CAGE1: variants seen among roughly 807,000 people sequenced by gnomAD.
CAGE1 encodes the protein cancer-associated gene 1 protein.
In CAGE1, 66 loss-of-function variants were observed where a neutral mutation model predicts 94.9. The observed-to-expected ratio is 0.70, with a 90% CI of 0.57 to 0.85. The LOEUF is 0.85. CAGE1 is among the 40% of genes least tolerant of loss of function. The probability of loss-of-function intolerance (pLI) is 0.00; values close to 1 mark genes in which losing one functional copy is unlikely to be tolerated. For synonymous variants in CAGE1, 319 were observed against 321.0 expected (o/e 0.99, Z 0.07); for missense variants, 865 against 950.4 (o/e 0.91, Z 1.18).
At position 7,385,836 on chromosome 6, in the gene CAGE1, C is replaced by T; in HGVS notation, c.232G>A (p.Glu78Lys). The T allele has an allele frequency of 6.5e-7, 1 of 1,542,500 alleles. No individual in the cohort carries two copies. Among genetic ancestry groups the T allele is most frequent in the Admixed American group, 2.0e-5 (1 of 49,278 alleles). ...TAAGCATCTTCACAAAGTGTGGATT[C>T]ATACTCATTTTCCCTTTCAAAATTC... ...IKNFERENEY[E>K]STLCEDAYGT... Residue 78 changes from glutamate to lysine, a missense_variant, in exon 3 of 14, where the codon GAA becomes AAA. Glu to Lys is a moderately conservative substitution (Grantham distance 56). Coordinates refer to ENST00000502583, the MANE Select transcript of CAGE1 (RefSeq NM_001170692.2).
At position 7,373,081 on chromosome 6, in the gene CAGE1, T is replaced by C. The variant is rs367731088; in HGVS notation, c.1738A>G (p.Ile580Val). Residue 580 changes from isoleucine to valine, a missense_variant, in exon 5 of 14, where the codon ATT (isoleucine) becomes GTT (valine). Transcript: ENST00000502583. Reference protein sequence around the residue: ...DQLEEVLKSDITKDTKTTHSN... With the variant: ...DQLEEVLKSDVTKDTKTTHSN... ...AGAATGTGTATCAATACCTTGGTAA[T>C]ATCTGACTTCAAGACTTCCTCTAAT... is the stretch of plus-strand genomic sequence containing the variant. 1.1e-5 allele frequency: 17 copies of C among 1,599,108 alleles called. No homozygotes were observed. In the African/African-American group the frequency reaches 1.8e-4, roughly 16 times the overall value.
intron 4 of CAGE1, among the ~76,000 whole-genome samples, chr6:7,375,082 A>AG (rs1554139547): frequency 6.6e-6 from 1 of 151,110 alleles, no homozygotes; most frequent in Admixed American, 6.6e-5. Context: ...AAAAGACAGT[A>AG]ATTTGTGGTA....
chr6:7,345,933 A>G (rs1246683051), intron 11 of CAGE1, among the ~76,000 whole-genome samples: 2 of 152,118 alleles, frequency 1.3e-5, no homozygotes, highest in African/African-American at 4.8e-5. Flanking sequence ...TCAAAAAAAG[A>G]AAAATTACAG....
chr6:7,358,027 GATATATATATAT>G (rs55850429), intron 9 of CAGE1, among the ~76,000 whole-genome samples: 4,377 of 48,136 alleles, frequency 0.091, 315 homozygotes, highest in African/African-American at 0.14. Context: ...TAAGTTTTGA[GATATATATATAT>G]ATATATATAT....
chr6:7,344,852 G>T (rs558293223), intron 11 of CAGE1, among the ~76,000 whole-genome samples: 1 of 152,258 alleles, frequency 6.6e-6, no homozygotes, highest in Admixed American at 6.5e-5. Context: ...ATTCTGGTGG[G>T]GCCTTGGAGA....
chr6:7,365,944 A>G, intron 7 of CAGE1, 60 bp from the exon 8 acceptor site: 1 of 1,026,992 alleles, frequency 9.7e-7, no homozygotes, highest in Non-Finnish European at 1.4e-6. Flanking sequence ...TCTAATATTT[A>G]TAATAAAATA....
chr6:7,359,199 A>C (rs1760086192), intron 9 of CAGE1, among the ~76,000 whole-genome samples: 1 of 152,174 alleles, frequency 6.6e-6, no homozygotes, highest in Non-Finnish European at 1.5e-5. Flanking sequence ...GGCATGTGCC[A>C]CCATGCCCGG....
chr6:7,365,397 C>A, intron 9 of CAGE1, 71 bp downstream of exon 9: 2 of 1,277,940 alleles, frequency 1.6e-6, no homozygotes, highest in Admixed American at 4.3e-5. Flanking sequence ...AGGATGATAA[C>A]TTCTTAAACT....
In CAGE1 at chr6:7,370,057, T is replaced by A. The variant is rs1463432744; in HGVS notation, c.1755A>T (p.Lys585Asn). The change falls in exon 6 of 14, where the codon AAA becomes AAT. Residue 585 changes from lysine to asparagine, a missense_variant. Lys to Asn is a moderately conservative substitution (Grantham distance 94). Transcript: ENST00000502583. ...CCGGGAGCAGATTAGAATGTGTCGT[T>A]TTTGTATCCTACATGCACGTAATTC... ...VLKSDITKDT[K>N]TTHSNLLPDC... 3.7e-6 allele frequency: 6 copies of A among 1,602,340 alleles called. No homozygotes were observed. Among genetic ancestry groups the A allele is most frequent in the Non-Finnish European group, 5.1e-6 (6 of 1,176,170 alleles).
intron 11 of CAGE1, among the ~76,000 whole-genome samples, chr6:7,347,147 G>A (rs898542350): frequency 3.9e-4 from 60 of 152,210 alleles, no homozygotes; most frequent in Non-Finnish European, 6.8e-4. Context: ...GGAGGCTCGC[G>A]TCATGAATTT....
At chr6:7,347,519 G>GGT (rs1759600487) in intron 11 of CAGE1, 1 of 145,998 alleles carries the variant, frequency 6.8e-6, no homozygotes, top group African/African-American at 2.5e-5. Context: ...GGGGGGTTGG[G>GGT]GGGGGCGGTG....
Position 7,378,800 on chromosome 6 carries a change from T to G in CAGE1, c.504A>C (p.Glu168Asp). The G allele has an allele frequency of 6.2e-7, 1 of 1,613,810 alleles. No homozygotes were observed. Among genetic ancestry groups the G allele is most frequent in the Non-Finnish European group, 8.5e-7 (1 of 1,179,828 alleles). Residue 168 changes from glutamate to aspartate, a missense_variant, in exon 4 of 14, where the codon GAA becomes GAC. Coordinates refer to ENST00000502583, the MANE Select transcript of CAGE1 (RefSeq NM_001170692.2). Reference protein sequence around the residue: ...QDSFKEENPMETSVSANTDQL... With the variant: ...QDSFKEENPMDTSVSANTDQL... Reference sequence around the variant, plus strand: ...GGTCTGTATTTGCAGAAACACTAGTTTCCATTGGATTTTCTTCCTTAAATG... The same window carrying G: ...GGTCTGTATTTGCAGAAACACTAGTGTCCATTGGATTTTCTTCCTTAAATG...
intron 9 of CAGE1, among the ~76,000 whole-genome samples, chr6:7,361,286 A>G (rs1188478680): frequency 6.6e-6 from 1 of 152,220 alleles, no homozygotes; most frequent in Non-Finnish European, 1.5e-5. Context: ...AGGATTGTTG[A>G]GAGTCTAACA....
chr6:7,372,943 G>A, intron 5 of CAGE1, 130 bp downstream of exon 5: 1 of 711,620 alleles, frequency 1.4e-6, no homozygotes, highest in African/African-American at 1.8e-5. Flanking sequence ...CTCCCAAAGT[G>A]CCGAGATCTG....
chr6:7,333,612 T>A (rs199982336), intron 12 of CAGE1, among the ~76,000 whole-genome samples: 3 of 142,238 alleles, frequency 2.1e-5, no homozygotes, highest in Non-Finnish European at 3.1e-5. Context: ...TTTTTTTTTT[T>A]AAGTATTATC....
chr6:7,367,374 C>T lies in CAGE1; in HGVS notation c.2004+1314G>A, dbSNP rs572221629. Among the ~76,000 whole-genome samples the T allele has an allele frequency of 1.7e-3, 246 of 145,680 alleles. 4 individuals carry two copies. The highest frequency in any genetic ancestry group is 2.7e-4 in the Non-Finnish European group (18 of 67,378). On this transcript the variant is annotated intron_variant, in intron 7 of 13. Coordinates refer to ENST00000502583, the MANE Select transcript of CAGE1 (RefSeq NM_001170692.2). Reference sequence around the variant, plus strand: ...ACCACAGCTTCGACCTTTCTGGGCTCAGGTGATCCTCGCACCTCAGCCTCC... The same window carrying T: ...ACCACAGCTTCGACCTTTCTGGGCTTAGGTGATCCTCGCACCTCAGCCTCC...
chr6:7,344,744 C>T (rs1044600828), intron 11 of CAGE1, among the ~76,000 whole-genome samples: 10 of 152,212 alleles, frequency 6.6e-5, no homozygotes, highest in Non-Finnish European at 1.2e-4. Context: ...CACCAATCAG[C>T]ACTCTGTATC....
rs374928982 is a variant in CAGE1, at chr6:7,339,601, C to T, written c.2370-5511G>A. 1.4e-6 allele frequency: 1 copy of T among 706,018 alleles called. No individual in the cohort carries two copies. Among genetic ancestry groups the T allele is most frequent in the Non-Finnish European group, 2.6e-6 (1 of 385,672 alleles). The allele number at this position is 706,018 out of a possible 1,614,324, so 43.7% of individuals were successfully genotyped here. On this transcript the variant is annotated intron_variant, in intron 11 of 13. Transcript: ENST00000502583. This position sits in a 1 kb window ranked among gnomAD's most constrained non-coding sequence, Gnocchi z 4.7. Reference sequence around the variant, plus strand: ...CCATGCTCCGCTGAAAGGAAAGGCACTGTATCATTCTTATGCCTTTGTGTC... The same window carrying T: ...CCATGCTCCGCTGAAAGGAAAGGCATTGTATCATTCTTATGCCTTTGTGTC...
Position 7,329,343 on chromosome 6 carries a change from A to G in CAGE1, c.2478+506T>C, listed in dbSNP as rs566574330. On this transcript the variant is annotated intron_variant, in intron 13 of 13. Transcript: ENST00000502583. Reference sequence around the variant, plus strand: ...GATGTGGCCAATATGCATGATGAGAAGGAGAAAGCAGTGAACGGTAAGACT... The same window carrying G: ...GATGTGGCCAATATGCATGATGAGAGGGAGAAAGCAGTGAACGGTAAGACT... 36 of 348,910 alleles carry G rather than the reference A, an allele frequency of 1.0e-4. No individual in the cohort carries two copies. In the Admixed American group the frequency reaches 1.2e-3, roughly 12 times the overall value. The allele number at this position is 348,910 out of a possible 1,614,324, so 21.6% of individuals were successfully genotyped here.
Sources: gnomAD v4.1 joint callset for allele counts (sites outside exome capture counted in the v4.1 genomes callset) on GRCh38, gnomAD v4.1.1 for gene constraint, Gnocchi (gnomAD v3.1) non-coding constraint, MANE v1.5 for transcripts, NCBI Gene and HGNC (gene_info 2026-07-23, HGNC 2026-07-21) for gene names.